NUP42: variants seen among roughly 807,000 people sequenced by gnomAD.
NUP42 encodes the protein nucleoporin 42.
Under a neutral mutation model 35.9 loss-of-function variants are expected in NUP42, and 47 were observed. That is an observed-to-expected ratio of 1.31 (90% CI 1.04 to 1.67). The LOEUF (loss-of-function observed/expected upper bound fraction) is 1.67, where lower values mean the gene tolerates loss of function less well. Among genes scored for constraint, NUP42 ranks in the 40% most tolerant of loss-of-function variants. NUP42 has a pLI of 0.00. For synonymous variants in NUP42, 173 were observed against 173.3 expected, an observed-to-expected ratio of 1.00 and a Z score of 0.01; for missense variants, 514 against 492.2, an observed-to-expected ratio of 1.04 and a Z score of -0.42.
In NUP42 at chr7:23,200,393, C is replaced by T. The variant is rs1286276852; in HGVS notation, c.920C>T (p.Ala307Val). Reference protein sequence around the residue: ...SAASFSFKSPAASSFGSPGFS... With the variant: ...SAASFSFKSPVASSFGSPGFS... ...GCATCATTTTCATTCAAAAGCCCTG[C>T]AGCTTCCAGTTTTGGATCACCTGGA... The change falls in exon 7 of 7, where the codon GCA becomes GTA. Residue 307 changes from alanine to valine, a missense_variant. Ala to Val is a moderately conservative substitution (Grantham distance 64). Transcript: ENST00000258742. 6.2e-7 allele frequency: 1 copy of T among 1,614,050 alleles called. No homozygotes were observed. Among genetic ancestry groups the T allele is most frequent in the Non-Finnish European group, 8.5e-7 (1 of 1,180,024 alleles).
In NUP42 at chr7:23,200,331, A is replaced by T. The variant is rs373233862; in HGVS notation, c.858A>T (p.Pro286=). Residue 286 remains proline (P), a synonymous_variant, in exon 7 of 7, where the codon CCA becomes CCT. Transcript: ENST00000258742. ...GTTCAGGTATCTCTACTTCTGCTCC[A>T]GCTTTTGGATTTGGGAAGCCTGAAG... ...STSSGISTSA[P]AFGFGKPEVT... is the part of the protein sequence containing the mutation. 1.2e-6 allele frequency: 2 copies of T among 1,609,204 alleles called. No homozygotes were observed. Among genetic ancestry groups the T allele is most frequent in the Non-Finnish European group, 8.5e-7 (1 of 1,177,168 alleles).
intron 3 of NUP42, among the ~76,000 whole-genome samples, chr7:23,191,134 T>C (rs141323739): frequency 1.9e-3 from 293 of 152,282 alleles, no homozygotes; most frequent in African/African-American, 6.0e-3. Context: ...GGGCCTGAAT[T>C]ACTGGAGGAG....
chr7:23,183,714 A>T (rs983998154), intron 1 of NUP42, among the ~76,000 whole-genome samples: 2 of 150,466 alleles, frequency 1.3e-5, no homozygotes, highest in African/African-American at 4.9e-5. Flanking sequence ...GAAACAAATG[A>T]ATGTTTCTGG....
intron 3 of NUP42, chr7:23,188,641 C>G: frequency 1.7e-6 from 1 of 580,702 alleles, no homozygotes; most frequent in Non-Finnish European, 2.2e-6. Context: ...ATATTTGGGG[C>G]ACATTTATAC....
intron 3 of NUP42, among the ~76,000 whole-genome samples, chr7:23,193,878 G>A (rs60364994): frequency 0.018 from 2,801 of 152,350 alleles, 77 homozygotes; most frequent in African/African-American, 0.064. Flanking sequence ...GCCCTGCCCC[G>A]CAGGGAGGCA....
chr7:23,197,199 C>T (rs1443825217), intron 5 of NUP42: 71 of 1,301,426 alleles, frequency 5.5e-5, no homozygotes, highest in Middle Eastern at 2.1e-4. Flanking sequence ...TATATACCCA[C>T]CTGTCTCCAA....
Position 23,185,096 on chromosome 7 carries a change from A to G in NUP42, c.148A>G (p.Thr50Ala), listed in dbSNP as rs1346918542. The change falls in exon 2 of 7, where the codon ACT (threonine) becomes GCT (alanine). Residue 50 changes from threonine (T) to alanine (A), a missense_variant. Transcript: ENST00000258742. ...TAATAATAGACGTGGATGGAATACA[A>G]CTAGCCAGAGATATTCCAATGTCAT... ...SGNNRRGWNT[T>A]SQRYSNVIQP... The G allele has an allele frequency of 1.2e-6, 2 of 1,613,884 alleles. No individual in the cohort carries two copies. The highest frequency in any genetic ancestry group is 1.7e-6 in the Non-Finnish European group (2 of 1,179,910).
chr7:23,182,123 G>A lies in NUP42; in HGVS notation c.38G>A (p.Arg13His). 6.2e-7 allele frequency: 1 copy of A among 1,614,192 alleles called. No individual in the cohort carries two copies. The change falls in exon 1 of 7, where the codon CGC (arginine) becomes CAC (histidine). Residue 13 changes from arginine to histidine, a missense_variant. Transcript: ENST00000258742. ...CAATTCTTCCTTCAAGGCCGGTGCCGCTTTGGAGATCGGTGCTGGAACGAA... is the reference window on the plus strand; with the variant it reads ...CAATTCTTCCTTCAAGGCCGGTGCCACTTTGGAGATCGGTGCTGGAACGAA... Reference protein sequence around the residue: ...ICQFFLQGRCRFGDRCWNEHP... With the variant: ...ICQFFLQGRCHFGDRCWNEHP...
rs563393282 is a variant in NUP42 at position 23,192,271 on chromosome 7, C to T, written c.446-3568C>T. Among the ~76,000 whole-genome samples the T allele has an allele frequency of 9.9e-5, 15 of 151,920 alleles. No individual in the cohort carries two copies. In the South Asian group the frequency reaches 1.0e-3, roughly 11 times the overall value. On this transcript the variant is annotated intron_variant, in intron 3 of 6. Coordinates refer to ENST00000258742, the MANE Select transcript of NUP42 (RefSeq NM_007342.3). The stretch of plus-strand genomic sequence containing the variant: ...GTTAAGAAAATCATAACGGATCAGG[C>T]GCGGTGGCTCACGCCTGTAATCTCG...
intron 2 of NUP42, among the ~76,000 whole-genome samples, chr7:23,185,867 G>A (rs369107707): frequency 2.2e-4 from 33 of 152,128 alleles, no homozygotes; most frequent in African/African-American, 7.7e-4. Context: ...AGCCTCCCAA[G>A]TAGCTGGGAT....
intron 6 of NUP42, 135 bp downstream of exon 6, chr7:23,199,677 A>G (rs1786142700): frequency 1.4e-6 from 1 of 734,876 alleles, no homozygotes; most frequent in Non-Finnish European, 2.3e-6. Context: ...GCCTCAAAGC[A>G]TTTGACTCAT....
intron 3 of NUP42, among the ~76,000 whole-genome samples, chr7:23,189,646 C>G (rs1394404652): frequency 6.7e-6 from 1 of 150,340 alleles, no homozygotes; most frequent in Non-Finnish European, 1.5e-5. Flanking sequence ...TGCACGGTGG[C>G]TCACACCTGT....
rs1474964260 is a variant in NUP42, at chr7:23,200,585, C to T, written c.1112C>T (p.Thr371Ile). ...SDTFGNSSIS[T>I]SLSASSSIIA... ...ACTTTTGGAAATAGCAGCATATCCA[C>T]TTCTCTGTCAGCCTCAAGCAGCATC... Residue 371 changes from threonine (T) to isoleucine (I), a missense_variant, in exon 7 of 7, where the codon ACT (threonine) becomes ATT (isoleucine). Physicochemically the swap from Thr to Ile is moderately conservative, Grantham distance 89 (BLOSUM62 -1). Transcript: ENST00000258742. 1 of 1,614,168 alleles carries T rather than the reference C, an allele frequency of 6.2e-7. No homozygotes were observed. The highest frequency in any genetic ancestry group is 1.1e-5 in the South Asian group (1 of 91,074).
intron 3 of NUP42, chr7:23,188,384 T>C (rs942906243): frequency 2.0e-6 from 2 of 982,800 alleles, no homozygotes; most frequent in African/African-American, 1.7e-5. Context: ...GTGATGCAAA[T>C]AAACTAAGAT....
intron 1 of NUP42, 91 bp from the exon 2 acceptor site, chr7:23,184,979 C>T: frequency 9.2e-7 from 1 of 1,092,120 alleles, no homozygotes; most frequent in East Asian, 2.6e-5. Context: ...GTACTCCACC[C>T]TGGGCAAAAG....
intron 3 of NUP42, chr7:23,188,243 T>A: frequency 1.2e-5 from 15 of 1,247,350 alleles, no homozygotes; most frequent in Non-Finnish European, 1.4e-5. Flanking sequence ...CGCTTCTTAT[T>A]TATTCACTTG....
Position 23,185,287 on chromosome 7 carries a change from A to G in NUP42, c.339A>G (p.Glu113=). 6.2e-7 allele frequency: 1 copy of G among 1,606,374 alleles called. No homozygotes were observed. Among genetic ancestry groups the G allele is most frequent in the Non-Finnish European group, 8.5e-7 (1 of 1,176,176 alleles). ...ASLSPDEQKD[E]KKLLEGIVKD... ...TTAGTCCTGATGAGCAGAAAGATGA[A>G]AAGAAACTTCTGTAAGTGAAAGTTT... is the stretch of plus-strand genomic sequence containing the variant. The change falls in exon 2 of 7, where the codon GAA becomes GAG. Residue 113 remains glutamate, a synonymous_variant. Coordinates refer to ENST00000258742, the MANE Select transcript of NUP42 (RefSeq NM_007342.3).
intron 1 of NUP42, among the ~76,000 whole-genome samples, chr7:23,183,754 T>TTA (rs1491545768): frequency 1.2e-5 from 1 of 82,066 alleles, no homozygotes; most frequent in African/African-American, 4.2e-5. Context: ...AAAAGCAATG[T>TTA]AAAAAAAAAA....
chr7:23,198,673 G>A (rs1379682314), intron 5 of NUP42, among the ~76,000 whole-genome samples: 1 of 152,198 alleles, frequency 6.6e-6, no homozygotes, highest in African/African-American at 2.4e-5. Context: ...AGAACAGCAA[G>A]AACATAAAGT....
Sources: gnomAD v4.1 joint callset for allele counts (sites outside exome capture counted in the v4.1 genomes callset) on GRCh38, gnomAD v4.1.1 for gene constraint, MANE v1.5 for transcripts, NCBI Gene and HGNC (gene_info 2026-07-23, HGNC 2026-07-21) for gene names.